Variants in ADGRV1 observed in about 807,000 individuals in gnomAD.
The protein encoded by ADGRV1 is G-protein coupled receptor 98.
A neutral mutation model predicts 596.2 loss-of-function variants in ADGRV1; 359 were observed. The observed-to-expected ratio is 0.60, with a 90% confidence interval of 0.55 to 0.66. ADGRV1 has a LOEUF of 0.66. ADGRV1 is among the 30% of genes least tolerant of loss of function. The probability of loss-of-function intolerance (pLI) is 0.00; values close to 1 mark genes in which losing one functional copy is unlikely to be tolerated. For missense variants in ADGRV1, 7,274 were observed against 7,575.6 expected (o/e 0.96, Z 1.48); for synonymous variants, 2,681 against 2,679.2 (o/e 1.00, Z -0.02).
At chr5:90,944,739 G>A (rs912400635) in intron 83 of ADGRV1, among the ~76,000 whole-genome samples, 12 of 152,114 alleles carry the variant, frequency 7.9e-5, no homozygotes, top group Non-Finnish European at 1.3e-4. Context: ...TTATTAGTTC[G>A]AATTATTTAA....
At chr5:90,720,782 T>C (rs562509950) in intron 44 of ADGRV1, among the ~76,000 whole-genome samples, 153 bp from the exon 45 acceptor site, 2 of 152,344 alleles carry the variant, frequency 1.3e-5, no homozygotes, top group South Asian at 2.1e-4. Context: ...GCAAAGTTAC[T>C]GAAGTAACTG....
chr5:90,801,824 G>A (rs982907067), intron 70 of ADGRV1, among the ~76,000 whole-genome samples: 1 of 152,200 alleles, frequency 6.6e-6, no homozygotes, highest in Non-Finnish European at 1.5e-5. Flanking sequence ...AAAATGTGCT[G>A]TAAGTTTCAA....
At chr5:90,855,591 T>G (rs1252532222) in intron 81 of ADGRV1, 150 bp from the exon 82 acceptor site, 1 of 571,988 alleles carries the variant, frequency 1.7e-6, no homozygotes, top group African/African-American at 1.9e-5. Context: ...GGACAAGATG[T>G]TCCCTTCACT....
intron 78 of ADGRV1, among the ~76,000 whole-genome samples, chr5:90,847,703 A>C (rs535456954): frequency 1.3e-5 from 2 of 152,290 alleles, no homozygotes; most frequent in East Asian, 3.9e-4. Flanking sequence ...CGAGCACGGC[A>C]GCTGCTGGCC....
chr5:90,708,007 C>T (rs1238683993), intron 38 of ADGRV1, among the ~76,000 whole-genome samples: 1 of 152,032 alleles, frequency 6.6e-6, no homozygotes, highest in Non-Finnish European at 1.5e-5. Flanking sequence ...AATCTAGAGA[C>T]CATGATTTTC....
chr5:90,924,358 G>C (rs1774201441), intron 83 of ADGRV1, among the ~76,000 whole-genome samples: 2 of 151,842 alleles, frequency 1.3e-5, no homozygotes, highest in Admixed American at 6.6e-5. Context: ...TTGTGGTTTT[G>C]ATTTGCATTT....
intron 34 of ADGRV1, among the ~76,000 whole-genome samples, chr5:90,697,770 A>G (rs978866306): frequency 2.6e-5 from 4 of 152,274 alleles, no homozygotes; most frequent in East Asian, 1.9e-4. Context: ...TGTTTAAAAC[A>G]TAACAGTGTT....
chr5:90,796,432 A>T (rs1292795753), intron 70 of ADGRV1, among the ~76,000 whole-genome samples: 1 of 152,172 alleles, frequency 6.6e-6, no homozygotes, highest in African/African-American at 2.4e-5. Context: ...TAGAGAAAAA[A>T]AAAATAAAAA....
chr5:90,682,888 C>G (rs1397764664), intron 27 of ADGRV1, among the ~76,000 whole-genome samples: 1 of 152,032 alleles, frequency 6.6e-6, no homozygotes, highest in Non-Finnish European at 1.5e-5. Flanking sequence ...TTTTCTTATA[C>G]TTTGGGTCAA....
chr5:90,685,455 C>T (rs1745479810), intron 28 of ADGRV1, among the ~76,000 whole-genome samples: 2 of 151,822 alleles, frequency 1.3e-5, no homozygotes, highest in South Asian at 2.1e-4. Flanking sequence ...CATGGCAGCA[C>T]GTGCCTGTAG....
intron 84 of ADGRV1, among the ~76,000 whole-genome samples, chr5:90,977,965 A>G (rs2151020684): frequency 6.6e-6 from 1 of 152,298 alleles, no homozygotes; most frequent in South Asian, 2.1e-4. Flanking sequence ...AATGATATAT[A>G]ACTTTATGTT....
At chr5:90,888,158 T>C (rs1380703263) in intron 83 of ADGRV1, among the ~76,000 whole-genome samples, 1 of 152,172 alleles carries the variant, frequency 6.6e-6, no homozygotes, top group African/African-American at 2.4e-5. Flanking sequence ...ACAATGTGTA[T>C]GAGATCTGTC....
At chr5:91,024,987 GGTTATAAACGGC>G (rs1783908738) in intron 85 of ADGRV1, among the ~76,000 whole-genome samples, 1 of 152,090 alleles carries the variant, frequency 6.6e-6, no homozygotes, top group Non-Finnish European at 1.5e-5. Flanking sequence ...AGTTTCCATT[GGTTATAAACGGC>G]AGCTTTTTGA....
chr5:91,017,435 G>T (rs1344159350), intron 85 of ADGRV1, among the ~76,000 whole-genome samples: 1 of 151,866 alleles, frequency 6.6e-6, no homozygotes, highest in Non-Finnish European at 1.5e-5. Flanking sequence ...CTATCTGAAG[G>T]AGAGCTCAAG....
intron 1 of ADGRV1, among the ~76,000 whole-genome samples, chr5:90,578,760 AGGC>A (rs1423982863): frequency 6.6e-6 from 1 of 152,176 alleles, no homozygotes; most frequent in Non-Finnish European, 1.5e-5. Flanking sequence ...TTTGGTTGGT[AGGC>A]TATTAATTAT....
intron 83 of ADGRV1, among the ~76,000 whole-genome samples, chr5:90,883,490 AT>A (rs1769988979): frequency 6.6e-6 from 1 of 152,130 alleles, no homozygotes; most frequent in Non-Finnish European, 1.5e-5. Flanking sequence ...TTAAATAATG[AT>A]TCTCTTGCAA....
chr5:90,988,550 T>C (rs1366891770), intron 85 of ADGRV1, among the ~76,000 whole-genome samples: 2 of 152,194 alleles, frequency 1.3e-5, no homozygotes, highest in Non-Finnish European at 2.9e-5. Flanking sequence ...AAGTTGTGTC[T>C]CTAGCCTATA....
chr5:90,650,747 A>G (rs1177684780), intron 17 of ADGRV1, among the ~76,000 whole-genome samples: 2 of 152,010 alleles, frequency 1.3e-5, no homozygotes, highest in Non-Finnish European at 2.9e-5. Context: ...GTGTGTCCCA[A>G]TATAATATGA....
intron 89 of ADGRV1, among the ~76,000 whole-genome samples, chr5:91,163,545 T>A (rs575831254): frequency 1.3e-5 from 2 of 152,182 alleles, no homozygotes; most frequent in African/African-American, 4.8e-5. Context: ...ACAGTAAAGA[T>A]TGAGAACCCA....
Sources: allele counts gnomAD v4.1 joint callset (sites outside exome capture counted in the v4.1 genomes callset), GRCh38; gene constraint gnomAD v4.1.1; transcripts MANE v1.5; gene names NCBI Gene and HGNC (gene_info 2026-07-23, HGNC 2026-07-21).